Variants in SNAP23 observed in about 807,000 individuals in gnomAD.
SNAP23 encodes synaptosomal-associated protein 23.
In SNAP23, 11 loss-of-function variants were observed where a neutral mutation model predicts 29.0. The observed-to-expected ratio is 0.38, with a 90% CI of 0.24 to 0.63. The LOEUF is 0.63. SNAP23 is among the 20% of genes least tolerant of loss of function. The probability of loss-of-function intolerance (pLI) is 0.58; values close to 1 mark genes in which losing one functional copy is unlikely to be tolerated. For missense variants in SNAP23, 220 were observed against 253.9 expected (o/e 0.87, Z 0.91); for synonymous variants, 60 against 82.9 (o/e 0.72, Z 1.50).
At chr15:42,508,891 G>A (rs561908272) in intron 1 of SNAP23, among the ~76,000 whole-genome samples, 2 of 152,288 alleles carry the variant, frequency 1.3e-5, no homozygotes, top group African/African-American at 4.8e-5. Flanking sequence ...CTCACTAAGG[G>A]TGCCTTTTCC....
upstream of SNAP23, chr15:42,491,659 A>G (rs1374268410): frequency 6.6e-6 from 1 of 152,238 alleles, no homozygotes; most frequent in African/African-American, 2.4e-5. Flanking sequence ...ATTAAATAAC[A>G]TAGGTCAAGT....
intron 1 of SNAP23, among the ~76,000 whole-genome samples, chr15:42,504,599 G>A (rs1396253242): frequency 1.3e-5 from 2 of 151,956 alleles, no homozygotes; most frequent in Non-Finnish European, 2.9e-5. Context: ...GGCTAACATT[G>A]AACACCGGCC....
intron 6 of SNAP23, among the ~76,000 whole-genome samples, chr15:42,529,171 T>C (rs530218982): frequency 3.3e-5 from 5 of 152,300 alleles, no homozygotes; most frequent in African/African-American, 1.2e-4. Flanking sequence ...TGTAAACAAA[T>C]GAGCACAGCT....
chr15:42,510,514 C>G (rs1458807699), intron 1 of SNAP23, among the ~76,000 whole-genome samples: 4 of 152,130 alleles, frequency 2.6e-5, no homozygotes. Context: ...TCTAGTGATT[C>G]TTTGCGAGCT....
intron 5 of SNAP23, among the ~76,000 whole-genome samples, chr15:42,517,646 T>C (rs1379361027): frequency 6.6e-6 from 1 of 152,082 alleles, no homozygotes; most frequent in African/African-American, 2.4e-5. Context: ...CAAGGTAGGG[T>C]ATGGTCCTGA....
At chr15:42,493,332 TTC>T (rs376287295), upstream of SNAP23, among the ~76,000 whole-genome samples, 944 of 149,776 alleles carry the variant, frequency 6.3e-3, 9 homozygotes, top group Middle Eastern at 0.02. Flanking sequence ...GAGCAAGACC[TTC>T]TCTCTCTCTC....
chr15:42,521,230 A>G, intron 5 of SNAP23, among the ~76,000 whole-genome samples: 1 of 152,208 alleles, frequency 6.6e-6, no homozygotes. Flanking sequence ...AGATTTTTTA[A>G]AATTACAATG....
At chr15:42,497,749 A>G (rs1261012708) in intron 1 of SNAP23, among the ~76,000 whole-genome samples, 1 of 152,174 alleles carries the variant, frequency 6.6e-6, no homozygotes, top group Non-Finnish European at 1.5e-5. Context: ...CCAAAAGTCC[A>G]AGTCCAAAGT....
At chr15:42,523,385 T>C (rs1244376631) in intron 5 of SNAP23, among the ~76,000 whole-genome samples, 1 of 152,234 alleles carries the variant, frequency 6.6e-6, no homozygotes, top group Non-Finnish European at 1.5e-5. Flanking sequence ...AACTATTCTT[T>C]CTTACTGTAG....
intron 5 of SNAP23, among the ~76,000 whole-genome samples, chr15:42,515,965 C>G (rs748510305): frequency 1.3e-5 from 2 of 152,066 alleles, no homozygotes; most frequent in Non-Finnish European, 2.9e-5. Flanking sequence ...AGGGCATTTC[C>G]TATGAAAGGT....
At chr15:42,510,477 T>C (rs946476419) in intron 1 of SNAP23, among the ~76,000 whole-genome samples, 4 of 152,218 alleles carry the variant, frequency 2.6e-5, no homozygotes, top group Admixed American at 1.3e-4. Context: ...TATCATACAC[T>C]TGCAATAGCA....
At chr15:42,529,906 A>G in intron 7 of SNAP23, 87 bp downstream of exon 7, 1 of 1,410,056 alleles carries the variant, frequency 7.1e-7, no homozygotes, top group Non-Finnish European at 9.7e-7. Flanking sequence ...TGTGGGGGAC[A>G]CGGTAGAATA....
At chr15:42,519,394 CAG>C (rs1314312679) in intron 5 of SNAP23, among the ~76,000 whole-genome samples, 1 of 147,026 alleles carries the variant, frequency 6.8e-6, no homozygotes, top group Non-Finnish European at 1.5e-5. Context: ...TTTTTTGAGA[CAG>C]AGTTTTACGT....
rs1199484228 is a variant in SNAP23, at chr15:42,502,051, G to A, written c.-15+6338G>A. ...CTTTTTTTTTTTTTTTTTTTGAGAC[G>A]GAGTCTCGCTCTGTCGCCTAGGCTG... On this transcript the variant is annotated intron_variant, in intron 1 of 7. Transcript: ENST00000249647. 4.9e-5 allele frequency among the ~76,000 whole-genome samples: 7 copies of A among 142,324 alleles called. No individual in the cohort carries two copies. The Admixed American group carries it at 5.1e-4, about 10-fold the overall frequency. 93.4% of individuals were successfully genotyped at this position (142,324 alleles called of 152,430 possible). A position where few individuals can be genotyped will look rare whatever the true frequency, so the allele number is the denominator to read the frequency against.
intron 1 of SNAP23, among the ~76,000 whole-genome samples, chr15:42,509,660 G>T (rs1022274239): frequency 6.6e-6 from 1 of 151,972 alleles, no homozygotes; most frequent in Non-Finnish European, 1.5e-5. Flanking sequence ...AGCTGGCCTC[G>T]ATCTCCTAAC....
chr15:42,513,495 A>G, intron 4 of SNAP23, 48 bp downstream of exon 4: 1 of 1,490,620 alleles, frequency 6.7e-7, no homozygotes, highest in Non-Finnish European at 9.4e-7. Flanking sequence ...GTGATGCCAA[A>G]AAGCCCTATC....
At chr15:42,508,123 G>C (rs989149940) in intron 1 of SNAP23, among the ~76,000 whole-genome samples, 2 of 151,860 alleles carry the variant, frequency 1.3e-5, no homozygotes, top group African/African-American at 4.8e-5. Context: ...AAAATTAGCC[G>C]GGCATGATGC....
intron 1 of SNAP23, among the ~76,000 whole-genome samples, chr15:42,502,377 A>C (rs1386522163): frequency 6.6e-6 from 1 of 152,186 alleles, no homozygotes. Flanking sequence ...GGAATATTTG[A>C]AAAACTAACC....
chr15:42,494,960 T>C (rs953426871), upstream of SNAP23, among the ~76,000 whole-genome samples: 10 of 152,190 alleles, frequency 6.6e-5, no homozygotes, highest in Non-Finnish European at 1.3e-4. Context: ...TACAAAGTGG[T>C]CTAAAATTCC....
Sources: gnomAD v4.1 joint callset for allele counts (sites outside exome capture counted in the v4.1 genomes callset) on GRCh38, gnomAD v4.1.1 for gene constraint, MANE v1.5 for transcripts, NCBI Gene and HGNC (gene_info 2026-07-23, HGNC 2026-07-21) for gene names.